The following CSGALNACT1 variants were observed in gnomAD, a reference collection of about 807,000 sequenced individuals.
CSGALNACT1 encodes beta4GalNAcT-1.
In CSGALNACT1, 52 loss-of-function variants were observed where a neutral mutation model predicts 51.0. The observed-to-expected ratio is 1.02, with a 90% confidence interval of 0.82 to 1.29. The LOEUF (loss-of-function observed/expected upper bound fraction) is 1.29, where lower values mean the gene tolerates loss of function less well. Among genes scored for constraint, CSGALNACT1 ranks in the 50% most tolerant of loss-of-function variants. The pLI is 0.00. For missense variants in CSGALNACT1, 935 were observed against 679.2 expected (o/e 1.38, Z -4.19); for synonymous variants, 341 against 254.4 (o/e 1.34, Z -3.24).
chr8:19,590,524 C>T (rs1352047370), intron 3 of CSGALNACT1, among the ~76,000 whole-genome samples: 2 of 152,006 alleles, frequency 1.3e-5, no homozygotes, highest in Non-Finnish European at 2.9e-5. Context: ...CATCCCACTG[C>T]TCACTGTGGT....
At chr8:19,499,331 G>A (rs1009143971) in intron 4 of CSGALNACT1, among the ~76,000 whole-genome samples, 5 of 152,066 alleles carry the variant, frequency 3.3e-5, no homozygotes, top group African/African-American at 7.2e-5. Flanking sequence ...CCACCAGACC[G>A]CAAAATTCTT....
intron 3 of CSGALNACT1, among the ~76,000 whole-genome samples, chr8:19,516,660 T>C (rs2079580234): frequency 6.6e-6 from 1 of 152,136 alleles, no homozygotes; most frequent in South Asian, 2.1e-4. Flanking sequence ...AGGCAGAATA[T>C]CTTCGCAACA....
intron 6 of CSGALNACT1, among the ~76,000 whole-genome samples, chr8:19,432,166 C>G (rs998592820): frequency 1.3e-5 from 2 of 152,098 alleles, no homozygotes; most frequent in Non-Finnish European, 2.9e-5. Flanking sequence ...GTGATGAAGT[C>G]TCTTTATTTG....
At chr8:19,408,545 T>C (rs1038998462) in intron 9 of CSGALNACT1, 68 bp downstream of exon 8, 5 of 1,102,096 alleles carry the variant, frequency 4.5e-6, no homozygotes, top group Admixed American at 3.7e-5. Flanking sequence ...GAAACCCTAC[T>C]TGATTCCTTC....
At chr8:19,626,135 A>C (rs1004489382) in intron 1 of CSGALNACT1, among the ~76,000 whole-genome samples, 1 of 152,236 alleles carries the variant, frequency 6.6e-6, no homozygotes, top group Admixed American at 6.5e-5. Context: ...AAAGAAGAAT[A>C]AAGTCAGAGG....
intron 3 of CSGALNACT1, among the ~76,000 whole-genome samples, chr8:19,510,273 G>T (rs1401835633): frequency 6.6e-6 from 1 of 152,066 alleles, no homozygotes; most frequent in Non-Finnish European, 1.5e-5. Flanking sequence ...TACAATCTCT[G>T]GGCAACAAAA....
At chr8:19,545,785 A>G (rs2086322851) in intron 3 of CSGALNACT1, among the ~76,000 whole-genome samples, 1 of 148,916 alleles carries the variant, frequency 6.7e-6, no homozygotes, top group Non-Finnish European at 1.5e-5. Context: ...TATATTTGTA[A>G]ACACACACAT....
At chr8:19,506,633 C>A (rs1165111244) in intron 3 of CSGALNACT1, among the ~76,000 whole-genome samples, 3 of 152,172 alleles carry the variant, frequency 2.0e-5, no homozygotes, top group African/African-American at 7.2e-5. Flanking sequence ...GGGAGTGGAT[C>A]CCTCAGGCAT....
chr8:19,445,611 T>C (rs1157897752), intron 5 of CSGALNACT1, among the ~76,000 whole-genome samples: 1 of 152,242 alleles, frequency 6.6e-6, no homozygotes, highest in African/African-American at 2.4e-5. Context: ...CCAGATACTC[T>C]ACCAGTGGAT....
intron 2 of CSGALNACT1, among the ~76,000 whole-genome samples, chr8:19,593,185 A>G (rs561430692): frequency 2.2e-4 from 34 of 152,368 alleles, no homozygotes; most frequent in African/African-American, 8.2e-4. Context: ...CGTGGGCTTA[A>G]TGACAGGATG....
intron 3 of CSGALNACT1, among the ~76,000 whole-genome samples, chr8:19,514,114 C>T (rs1237198874): frequency 6.6e-6 from 1 of 152,140 alleles, no homozygotes; most frequent in African/African-American, 2.4e-5. Context: ...ACGTTCCTGA[C>T]AGCAACTAAA....
At chr8:19,445,853 A>G (rs987344776) in intron 5 of CSGALNACT1, among the ~76,000 whole-genome samples, 1 of 152,116 alleles carries the variant, frequency 6.6e-6, no homozygotes, top group Non-Finnish European at 1.5e-5. Context: ...ATGTGTCCAT[A>G]TGTTTTTGGT....
intron 1 of CSGALNACT1, among the ~76,000 whole-genome samples, chr8:19,732,085 T>C (rs2063724410): frequency 2.6e-5 from 4 of 152,328 alleles, no homozygotes; most frequent in Admixed American, 2.6e-4. Context: ...GAGAATTAGG[T>C]AACGTAAGCT....
In CSGALNACT1 at chr8:19,734,411, G is replaced by C. The variant is rs569059606; in HGVS notation, c.-297+23439C>G. On this transcript the variant is annotated intron_variant, in intron 1 of 1. Transcript: ENST00000517494. Reference sequence around the variant, plus strand: ...CATAAGGTAAATGCCTCATGATATTGCACCCAAATAAGACAAATGCCCAGC... The same window carrying C: ...CATAAGGTAAATGCCTCATGATATTCCACCCAAATAAGACAAATGCCCAGC... Among the ~76,000 whole-genome samples, 4 of 152,272 alleles carry C rather than the reference G, an allele frequency of 2.6e-5. No homozygotes were observed. In the South Asian group the frequency reaches 6.2e-4, roughly 24 times the overall value.
intron 1 of CSGALNACT1, among the ~76,000 whole-genome samples, chr8:19,652,624 T>G (rs141796995): frequency 6.6e-6 from 1 of 152,224 alleles, no homozygotes; most frequent in Non-Finnish European, 1.5e-5. Context: ...CCCATCTCTT[T>G]GACCATCTCC....
chr8:19,512,272 C>A (rs2078612722), intron 3 of CSGALNACT1, among the ~76,000 whole-genome samples: 1 of 152,150 alleles, frequency 6.6e-6, no homozygotes, highest in Non-Finnish European at 1.5e-5. Context: ...GGCAGGCCTG[C>A]CGGCAACCCC....
At chr8:19,444,688 C>T (rs2061839548) in intron 5 of CSGALNACT1, among the ~76,000 whole-genome samples, 1 of 152,182 alleles carries the variant, frequency 6.6e-6, no homozygotes. Flanking sequence ...GAAATGACCG[C>T]CTTCCTGGGG....
At chr8:19,728,682 T>C (rs557495043) in intron 1 of CSGALNACT1, among the ~76,000 whole-genome samples, 231 of 152,342 alleles carry the variant, frequency 1.5e-3, no homozygotes, top group Middle Eastern at 3.4e-3. Context: ...ATTCATTCAA[T>C]GCAGAGGCAC....
intron 1 of CSGALNACT1, among the ~76,000 whole-genome samples, chr8:19,699,074 G>C (rs977842421): frequency 2.6e-5 from 4 of 151,484 alleles, no homozygotes; most frequent in African/African-American, 9.7e-5. Context: ...TTTGAGATGA[G>C]GTCTCACTAT....
Sources: gnomAD v4.1 joint callset for allele counts (sites outside exome capture counted in the v4.1 genomes callset) on GRCh38, gnomAD v4.1.1 for gene constraint, MANE v1.5 for transcripts, NCBI Gene and HGNC (gene_info 2026-07-23, HGNC 2026-07-21) for gene names.